SAMD5: variants seen among roughly 807,000 people sequenced by gnomAD.
SAMD5 encodes sterile alpha motif domain-containing protein 5.
In SAMD5, 13 loss-of-function variants were observed where a neutral mutation model predicts 11.3. The ratio of observed to expected loss-of-function variants is 1.15; its 90% CI spans 0.75 to 1.83. SAMD5 has a LOEUF of 1.83. Among genes scored for constraint, SAMD5 ranks in the 40% most tolerant of loss-of-function variants. The pLI, the probability that SAMD5 is intolerant of heterozygous loss-of-function variation, is 0.00. For synonymous variants in SAMD5, 129 were observed against 111.3 expected, an observed-to-expected ratio of 1.16 and a Z score of -1.00; for missense variants, 255 against 239.1, an observed-to-expected ratio of 1.07 and a Z score of -0.44.
chr6:147,690,967 G>GT (rs35385533), intron 1 of SAMD5, among the ~76,000 whole-genome samples: 2,107 of 73,142 alleles, frequency 0.029, 45 homozygotes, highest in East Asian at 0.14. Flanking sequence ...CAGCTCTCGG[G>GT]TTTTTTTTTT....
At chr6:147,666,906 C>G (rs1269145122) in intron 1 of SAMD5, among the ~76,000 whole-genome samples, 2 of 152,202 alleles carry the variant, frequency 1.3e-5, no homozygotes, top group Non-Finnish European at 2.9e-5. Context: ...CCCTATCCGT[C>G]AAGCTTTCTC....
chr6:147,864,026 T>G, the SAMD5 span, among the ~76,000 whole-genome samples: 2 of 151,904 alleles, frequency 1.3e-5, no homozygotes, highest in Non-Finnish European at 2.9e-5. Context: ...GTATTTTTAG[T>G]AGAGACGGGG....
At chr6:147,556,395 A>G (rs1225478560) in intron 1 of SAMD5, among the ~76,000 whole-genome samples, 1 of 152,262 alleles carries the variant, frequency 6.6e-6, no homozygotes, top group Non-Finnish European at 1.5e-5. Context: ...CCCGGCTACT[A>G]GTGTTATTTT....
chr6:147,560,143 C>T (rs1054702679), intron 1 of SAMD5, among the ~76,000 whole-genome samples: 20 of 152,324 alleles, frequency 1.3e-4, no homozygotes, highest in African/African-American at 4.6e-4. Flanking sequence ...ACATATAATG[C>T]TCCTATAGGA....
At chr6:147,699,090 C>T (rs1462163535) in intron 1 of SAMD5, among the ~76,000 whole-genome samples, 1 of 152,010 alleles carries the variant, frequency 6.6e-6, no homozygotes, top group African/African-American at 2.4e-5. Flanking sequence ...CTCAACACCC[C>T]CTGGATGCTG....
the SAMD5 span, among the ~76,000 whole-genome samples, chr6:147,886,473 C>T: frequency 6.6e-6 from 1 of 151,948 alleles, no homozygotes; most frequent in Non-Finnish European, 1.5e-5. Context: ...CTAAAGTGAC[C>T]TCTGCCTCTT....
intron 1 of SAMD5, among the ~76,000 whole-genome samples, chr6:147,631,431 A>AG (rs1181391750): frequency 1.3e-5 from 2 of 152,028 alleles, no homozygotes; most frequent in East Asian, 3.9e-4. Context: ...GAGCTTGGTG[A>AG]GGTGTGTTTT....
chr6:147,760,812 T>C, the SAMD5 span, among the ~76,000 whole-genome samples: 1 of 152,196 alleles, frequency 6.6e-6, no homozygotes, highest in Non-Finnish European at 1.5e-5. Context: ...TCCTTCATGA[T>C]TTCTAGTCTT....
Position 147,523,142 on chromosome 6 carries a change from C to G in SAMD5, c.459+13755C>G, listed in dbSNP as rs79754653. Among the ~76,000 whole-genome samples, 22 of 152,180 alleles carry G rather than the reference C, an allele frequency of 1.4e-4. No individual in the cohort carries two copies. The East Asian group carries it at 4.3e-3, about 29-fold the overall frequency. ...CCCAGACCTTTCAGTGAAATATACACTTAGGAGCTGCTTGCCAGATGCCAT... is the reference window on the plus strand; with the variant it reads ...CCCAGACCTTTCAGTGAAATATACAGTTAGGAGCTGCTTGCCAGATGCCAT... On this transcript the variant is annotated intron_variant, in intron 1 of 1. Transcript: ENST00000367474.
the SAMD5 span, among the ~76,000 whole-genome samples, chr6:147,841,796 G>T: frequency 6.6e-6 from 1 of 152,132 alleles, no homozygotes; most frequent in African/African-American, 2.4e-5. Flanking sequence ...TTTGGGCAGT[G>T]AGGTTTCCTG....
Position 147,509,178 on chromosome 6 carries a change from G to A in SAMD5, c.250G>A (p.Gly84Arg), listed in dbSNP as rs986759256. The part of the protein sequence containing the change: ...FTLEPQPAPP[G>R]PPADAVPTGR... ...GCTTGAGCCGCAGCCGGCGCCCCCCGGGCCGCCCGCCGACGCCGTCCCCAC... is the reference window on the plus strand; with the variant it reads ...GCTTGAGCCGCAGCCGGCGCCCCCCAGGCCGCCCGCCGACGCCGTCCCCAC... The change falls in exon 1 of 2, where the codon GGG becomes AGG. Residue 84 changes from glycine (G) to arginine (R), a missense_variant. Gly to Arg is a moderately radical substitution (Grantham distance 125). Coordinates refer to ENST00000367474, the MANE Select transcript of SAMD5 (RefSeq NM_001030060.3). The A allele has an allele frequency of 1.5e-6, 2 of 1,301,992 alleles. No individual in the cohort carries two copies. Among genetic ancestry groups the A allele is most frequent in the Admixed American group, 4.1e-5 (1 of 24,222 alleles). The allele number at this position is 1,301,992 out of a possible 1,614,324, so 80.7% of individuals were successfully genotyped here. A position where few individuals can be genotyped will look rare whatever the true frequency, so the allele number is the denominator to read the frequency against.
rs1788768264 is a variant in SAMD5, at chr6:147,551,282, C to T, written c.460-13112C>T. Among the ~76,000 whole-genome samples, 3 of 152,042 alleles carry T rather than the reference C, an allele frequency of 2.0e-5. No homozygotes were observed. In the South Asian group the frequency reaches 6.2e-4, roughly 31 times the overall value. On this transcript the variant is annotated intron_variant, in intron 1 of 1. Coordinates refer to ENST00000367474, the MANE Select transcript of SAMD5 (RefSeq NM_001030060.3). ...TCATAAAATTACAGCATGATAGAAC[C>T]GGGTCTTAAAATAATCTAGCTAACT...
chr6:147,905,180 G>T, the SAMD5 span, among the ~76,000 whole-genome samples: 1 of 149,000 alleles, frequency 6.7e-6, no homozygotes, highest in Non-Finnish European at 1.5e-5. Context: ...GAGCCACTGC[G>T]CCCGGCCTTT....
At chr6:147,846,836 A>G in the SAMD5 span, among the ~76,000 whole-genome samples, 82 of 152,142 alleles carry the variant, frequency 5.4e-4, no homozygotes, top group Non-Finnish European at 9.0e-4. Flanking sequence ...ACAAAACAAA[A>G]CAGTTAAGAG....
the SAMD5 span, among the ~76,000 whole-genome samples, chr6:147,908,649 G>T: frequency 1.3e-5 from 2 of 152,190 alleles, no homozygotes; most frequent in Non-Finnish European, 2.9e-5. Flanking sequence ...CTGTGGATTT[G>T]TGTAGATACA....
At chr6:147,878,723 T>C in the SAMD5 span, among the ~76,000 whole-genome samples, 1 of 151,356 alleles carries the variant, frequency 6.6e-6, no homozygotes, top group Non-Finnish European at 1.5e-5. Flanking sequence ...TATCTCTGTA[T>C]ATCTATATAT....
At chr6:147,680,037 A>T (rs935980276) in intron 1 of SAMD5, among the ~76,000 whole-genome samples, 2 of 148,888 alleles carry the variant, frequency 1.3e-5, no homozygotes, top group Non-Finnish European at 3.0e-5. Context: ...AGGTAATGTA[A>T]CTCCAATATT....
intron 1 of SAMD5, among the ~76,000 whole-genome samples, chr6:147,594,754 T>G (rs1476553780): frequency 6.6e-6 from 1 of 152,166 alleles, no homozygotes; most frequent in African/African-American, 2.4e-5. Context: ...ACCAGGCATC[T>G]CTCAGAAATT....
chr6:147,595,409 TAACCTGGCTCTTC>T (rs2128447570), intron 1 of SAMD5, among the ~76,000 whole-genome samples: 1 of 152,228 alleles, frequency 6.6e-6, no homozygotes, highest in African/African-American at 2.4e-5. Flanking sequence ...ATTTTAATTA[TAACCTGGCTCTTC>T]AACCCAGTCT....
Sources: allele counts gnomAD v4.1 joint callset (sites outside exome capture counted in the v4.1 genomes callset), GRCh38; gene constraint gnomAD v4.1.1; transcripts MANE v1.5; gene names NCBI Gene and HGNC (gene_info 2026-07-23, HGNC 2026-07-21).